The following RYR2 variants were observed in gnomAD, a reference collection of about 807,000 sequenced individuals.
RYR2 encodes cardiac muscle ryanodine receptor-calcium release channel.
In RYR2, 227 loss-of-function variants were observed where a neutral mutation model predicts 601.1. The ratio of observed to expected loss-of-function variants is 0.38; its 90% CI spans 0.34 to 0.42. The LOEUF (loss-of-function observed/expected upper bound fraction) is 0.42, where lower values mean the gene tolerates loss of function less well. Among genes scored for constraint, RYR2 ranks in the 10% least tolerant of loss-of-function variants. RYR2 has a pLI of 1.00. For synonymous variants in RYR2, 2,223 were observed against 2,175.1 expected (o/e 1.02, Z -0.61); for missense variants, 4,646 against 6,156.5 (o/e 0.75, Z 8.21).
At chr1:237,290,428 T>C (rs542792069) in intron 2 of RYR2, among the ~76,000 whole-genome samples, 3 of 152,320 alleles carry the variant, frequency 2.0e-5, no homozygotes, top group African/African-American at 7.2e-5. Flanking sequence ...TGTCCTATTT[T>C]GTGATTGTGG....
chr1:237,304,217 A>T (rs1039481215), intron 2 of RYR2, among the ~76,000 whole-genome samples: 2 of 152,198 alleles, frequency 1.3e-5, no homozygotes, highest in Admixed American at 1.3e-4. Flanking sequence ...TTACCTTGGA[A>T]GGCAATCTAG....
rs1572571094 is a variant in RYR2 at position 237,083,190 on chromosome 1, T to C, written c.48+40621T>C. Among the ~76,000 whole-genome samples the C allele has an allele frequency of 2.0e-5, 3 of 152,180 alleles. No homozygotes were observed. The East Asian group carries it at 5.8e-4, about 29-fold the overall frequency. On this transcript the variant is annotated intron_variant, in intron 1 of 104. Coordinates refer to ENST00000366574, the MANE Select transcript of RYR2 (RefSeq NM_001035.3). Reference sequence around the variant, plus strand: ...TAGGAGGAGAAAACCCTCTAAGTGTTCTCTGGCAGTTTGGTGCATGCTTTG... The same window carrying C: ...TAGGAGGAGAAAACCCTCTAAGTGTCCTCTGGCAGTTTGGTGCATGCTTTG...
intron 27 of RYR2, among the ~76,000 whole-genome samples, chr1:237,559,884 T>C (rs979767576): frequency 1.3e-5 from 2 of 152,236 alleles, no homozygotes; most frequent in African/African-American, 4.8e-5. Flanking sequence ...TTGCCTGTCA[T>C]GTGTGGCCAC....
chr1:237,832,695 C>T lies in RYR2; in HGVS notation c.*48C>T. ...AAACCAAAACCCTACCCCTCTCTCT[C>T]CCTCTCTCAATTTCTCTGCTCTCTT... On this transcript the variant is annotated 3_prime_UTR_variant, in exon 105 of 105. Transcript: ENST00000366574. The T allele has an allele frequency of 9.3e-7, 1 of 1,080,600 alleles. No homozygotes were observed. Among genetic ancestry groups the T allele is most frequent in the South Asian group, 1.3e-5 (1 of 74,474 alleles). 66.9% of individuals were successfully genotyped at this position (1,080,600 alleles called of 1,614,324 possible). A position where few individuals can be genotyped will look rare whatever the true frequency, so the allele number is the denominator to read the frequency against.
chr1:237,723,300 C>T (rs1484652565), intron 74 of RYR2, 38 bp downstream of exon 74: 12 of 1,554,082 alleles, frequency 7.7e-6, no homozygotes, highest in Non-Finnish European at 9.7e-6. Context: ...TTTGCCTTAG[C>T]CACATACAAA....
At chr1:237,299,163 G>T (rs1693109337) in intron 2 of RYR2, among the ~76,000 whole-genome samples, 1 of 134,650 alleles carries the variant, frequency 7.4e-6, no homozygotes. Flanking sequence ...GTTCTACATA[G>T]GTTTTGGCCT....
At chr1:237,228,615 G>A (rs1684651454) in intron 1 of RYR2, among the ~76,000 whole-genome samples, 1 of 152,126 alleles carries the variant, frequency 6.6e-6, no homozygotes, top group Non-Finnish European at 1.5e-5. Context: ...AAACAACATA[G>A]CATGCTGATT....
intron 20 of RYR2, among the ~76,000 whole-genome samples, chr1:237,500,070 A>G (rs1000884030): frequency 6.6e-6 from 1 of 152,200 alleles, no homozygotes; most frequent in Non-Finnish European, 1.5e-5. Context: ...ATGAAAAACT[A>G]TAGGCCAATT....
At chr1:237,388,280 A>G in intron 10 of RYR2, 97 bp downstream of exon 10, 3 of 943,402 alleles carry the variant, frequency 3.2e-6, no homozygotes, top group Non-Finnish European at 4.9e-6. Context: ...CAGTAGCATC[A>G]TACAAGATGG....
chr1:237,563,640 C>T (rs1462077971), intron 27 of RYR2, among the ~76,000 whole-genome samples: 1 of 152,016 alleles, frequency 6.6e-6, no homozygotes, highest in Non-Finnish European at 1.5e-5. Flanking sequence ...GCAATATATT[C>T]TCCATGTAGT....
intron 25 of RYR2, among the ~76,000 whole-genome samples, chr1:237,547,241 T>A (rs990459957): frequency 1.3e-5 from 2 of 151,634 alleles, no homozygotes; most frequent in Non-Finnish European, 2.9e-5. Context: ...CCTGGCCTCA[T>A]GTGATCCACC....
Position 237,798,027 on chromosome 1 carries a change from A to G in RYR2, c.13957-10A>G, listed in dbSNP as rs780730833. 1.2e-6 allele frequency: 2 copies of G among 1,603,500 alleles called. No individual in the cohort carries two copies. Among genetic ancestry groups the G allele is most frequent in the South Asian group, 2.3e-5 (2 of 88,290 alleles). Reference sequence around the variant, plus strand: ...TGAAGCCAACAAAATGCTTTTTCTCATACCCCAAGGTTATGGATAAATATG... The same window carrying G: ...TGAAGCCAACAAAATGCTTTTTCTCGTACCCCAAGGTTATGGATAAATATG... On this transcript the variant is annotated splice_polypyrimidine_tract_variant and intron_variant, in intron 96 of 104. Transcript: ENST00000366574.
rs146818209 is a variant in RYR2, at chr1:237,786,085, ATC to A, written c.13328+53_13328+54del. The A allele has an allele frequency of 3.1e-4, 363 of 1,180,848 alleles. 3 individuals carry two copies. In the African/African-American group the frequency reaches 5.0e-3, roughly 16 times the overall value. 73.1% of individuals were successfully genotyped at this position (1,180,848 alleles called of 1,614,324 possible). ...TTCCTTCGTTTCAGTTTGTCATTAC[ATC>A]TCTTTTTCTTGTACTCTGTCTTTGG... On this transcript the variant is annotated intron_variant, in intron 91 of 104. Transcript: ENST00000366574.
chr1:237,781,730 A>G (rs1181654337), intron 89 of RYR2, 84 bp downstream of exon 89: 9 of 613,458 alleles, frequency 1.5e-5, no homozygotes, highest in Non-Finnish European at 8.4e-6. Flanking sequence ...AGTGTAGCAT[A>G]GAATAAAATA....
chr1:237,089,425 G>T (rs1387725634), intron 1 of RYR2, among the ~76,000 whole-genome samples: 2 of 151,794 alleles, frequency 1.3e-5, no homozygotes, highest in African/African-American at 4.8e-5. Context: ...ATTATTTTTT[G>T]TTCAGTCTAG....
intron 98 of RYR2, among the ~76,000 whole-genome samples, chr1:237,803,504 G>T (rs1416740249): frequency 6.6e-6 from 1 of 151,980 alleles, no homozygotes. Context: ...GTTTCACCAT[G>T]TTAGCCAGGA....
At chr1:237,394,436 G>A (rs979174994) in intron 10 of RYR2, among the ~76,000 whole-genome samples, 1 of 152,204 alleles carries the variant, frequency 6.6e-6, no homozygotes, top group East Asian at 1.9e-4. Context: ...GAATAAACAA[G>A]TAATGCTTCT....
intron 22 of RYR2, among the ~76,000 whole-genome samples, chr1:237,504,252 A>T (rs1339934311): frequency 6.6e-6 from 1 of 152,216 alleles, no homozygotes; most frequent in African/African-American, 2.4e-5. Flanking sequence ...AGGCGGGCTG[A>T]GTCCGAAAAG....
chr1:237,399,068 G>A (rs143972710), intron 10 of RYR2, among the ~76,000 whole-genome samples: 30 of 152,122 alleles, frequency 2.0e-4, no homozygotes, highest in African/African-American at 6.0e-4. Context: ...GGTGGCACAT[G>A]CCTGTAATCC....
Sources: allele counts gnomAD v4.1 joint callset (sites outside exome capture counted in the v4.1 genomes callset), GRCh38; gene constraint gnomAD v4.1.1; transcripts MANE v1.5; gene names NCBI Gene and HGNC (gene_info 2026-07-23, HGNC 2026-07-21).